DACH2: variants seen among roughly 807,000 people sequenced by gnomAD.
DACH2 encodes the protein dachshund family transcription factor 2.
A neutral mutation model predicts 35.8 loss-of-function variants in DACH2; 17 were observed. That is an observed-to-expected ratio of 0.48 (90% CI 0.33 to 0.71). The LOEUF (loss-of-function observed/expected upper bound fraction) is 0.71, where lower values mean the gene tolerates loss of function less well. DACH2 is among the 30% of genes least tolerant of loss of function. DACH2 has a pLI of 0.02. For missense variants in DACH2, 469 were observed against 472.7 expected (o/e 0.99, Z 0.07); for synonymous variants, 195 against 177.3 (o/e 1.10, Z -0.79).
At chrX:86,766,391 G>A (rs191185595) in intron 7 of DACH2, among the ~76,000 whole-genome samples, 1 of 111,838 alleles carries the variant, frequency 8.9e-6, no homozygotes, top group African/African-American at 3.2e-5. Context: ...TGCTGAATTC[G>A]ATGATGTAAG....
At position 86,175,065 on chromosome X, in the gene DACH2, A is replaced by T. The variant is rs149641251; in HGVS notation, c.488+25957A>T. Among the ~76,000 whole-genome samples, 72 of 111,327 alleles carry T rather than the reference A, an allele frequency of 6.5e-4. No homozygotes were observed. The East Asian group carries it at 0.02, about 31-fold the overall frequency. On this transcript the variant is annotated intron_variant, in intron 1 of 11. Coordinates refer to ENST00000373125, the MANE Select transcript of DACH2 (RefSeq NM_053281.3). ...CTTGGGATAGATGTCTGGACAGGAG[A>T]TATATGCTTAGGAGAGGAATGACTG...
intron 7 of DACH2, among the ~76,000 whole-genome samples, chrX:86,761,682 T>C (rs1338328016): frequency 9.0e-6 from 1 of 111,647 alleles, no homozygotes; most frequent in Non-Finnish European, 1.9e-5. Context: ...ATAAAGAAAA[T>C]CCGGCATATA....
chrX:86,224,779 C>A (rs993123250), intron 1 of DACH2, among the ~76,000 whole-genome samples: 5 of 111,373 alleles, frequency 4.5e-5, no homozygotes, highest in Non-Finnish European at 9.4e-5. Flanking sequence ...CAGGAAAATG[C>A]ATGATCATCA....
intron 7 of DACH2, among the ~76,000 whole-genome samples, chrX:86,753,249 G>T (rs2041793508): frequency 9.0e-6 from 1 of 111,465 alleles, no homozygotes. Flanking sequence ...CTCGACATCA[G>T]GTGCAAATAT....
chrX:86,594,655 T>C (rs1053982890), intron 3 of DACH2, among the ~76,000 whole-genome samples: 1 of 112,013 alleles, frequency 8.9e-6, no homozygotes, highest in Non-Finnish European at 1.9e-5. Flanking sequence ...TGATTTCTAG[T>C]TTAATGTCAT....
intron 11 of DACH2, among the ~76,000 whole-genome samples, chrX:86,827,391 A>T (rs1430816281): frequency 9.0e-6 from 1 of 111,551 alleles, no homozygotes; most frequent in Non-Finnish European, 1.9e-5. Flanking sequence ...GTTGTAAAGA[A>T]GAAGAACATG....
chrX:86,272,708 A>T lies in DACH2; in HGVS notation c.489-104116A>T, dbSNP rs147107688. Among the ~76,000 whole-genome samples the T allele has an allele frequency of 5.7e-3, 635 of 111,910 alleles. 6 individuals are homozygous for T. The highest frequency in any genetic ancestry group is 0.019 in the African/African-American group (602 of 30,879). The stretch of plus-strand genomic sequence containing the variant: ...ATGAGTTTAGAAGTCAGCTCAAGTG[A>T]GGTGTTCTATGTCAGAGAAAACAAG... On this transcript the variant is annotated intron_variant, in intron 1 of 11. Transcript: ENST00000373125.
chrX:86,151,558 A>T (rs906687044), intron 1 of DACH2, among the ~76,000 whole-genome samples: 2 of 111,314 alleles, frequency 1.8e-5, no homozygotes, highest in Non-Finnish European at 3.8e-5. Flanking sequence ...AGACAACCAC[A>T]ATTTCCGGGA....
chrX:86,506,420 A>G (rs1174961482), intron 2 of DACH2, among the ~76,000 whole-genome samples: 2 of 111,314 alleles, frequency 1.8e-5, no homozygotes, highest in Non-Finnish European at 3.8e-5. Context: ...TTGAGACAGT[A>G]TGTTGCTGTC....
At chrX:86,455,351 C>A (rs778858061) in intron 2 of DACH2, among the ~76,000 whole-genome samples, 1 of 111,287 alleles carries the variant, frequency 9.0e-6, no homozygotes, top group South Asian at 3.9e-4. Flanking sequence ...TCTTCTGGAC[C>A]ATTTGGACTC....
intron 3 of DACH2, among the ~76,000 whole-genome samples, chrX:86,628,205 C>T (rs913270666): frequency 8.0e-5 from 9 of 112,282 alleles, no homozygotes; most frequent in Middle Eastern, 4.6e-3. Flanking sequence ...TGGTAGTAAG[C>T]ACCTTACAGC....
chrX:86,424,385 T>G (rs1277473796), intron 2 of DACH2, among the ~76,000 whole-genome samples: 1 of 111,061 alleles, frequency 9.0e-6, no homozygotes, highest in Non-Finnish European at 1.9e-5. Context: ...GCAGTTTACA[T>G]TATGGAGATC....
At chrX:86,498,986 C>A (rs1219820259) in intron 2 of DACH2, among the ~76,000 whole-genome samples, 2 of 111,443 alleles carry the variant, frequency 1.8e-5, no homozygotes, top group African/African-American at 6.5e-5. Flanking sequence ...TTTCTTTTAC[C>A]CGTGTACTTA....
chrX:86,746,792 A>AT (rs1324096757), intron 7 of DACH2, among the ~76,000 whole-genome samples: 1 of 110,918 alleles, frequency 9.0e-6, no homozygotes, highest in Non-Finnish European at 1.9e-5. Flanking sequence ...CAATTTATCT[A>AT]TTTTTTGACA....
intron 11 of DACH2, chrX:86,831,864 A>T (rs2042615583): frequency 3.1e-6 from 1 of 319,325 alleles, no homozygotes; most frequent in Admixed American, 5.6e-5. Flanking sequence ...AGCCTTTATC[A>T]GTCTTCAATG....
At chrX:86,330,238 TAAG>T (rs201836487) in intron 1 of DACH2, among the ~76,000 whole-genome samples, 2,127 of 112,143 alleles carry the variant, frequency 0.019, 47 homozygotes, top group African/African-American at 0.065. Flanking sequence ...TTTTTCCAAA[TAAG>T]AAAGCTTTTG....
intron 2 of DACH2, among the ~76,000 whole-genome samples, chrX:86,386,753 C>T (rs1236299191): frequency 9.0e-6 from 1 of 111,319 alleles, no homozygotes; most frequent in Non-Finnish European, 1.9e-5. Flanking sequence ...TCCTTACTTT[C>T]TTGCACTGGA....
chrX:86,572,183 G>A (rs1465624687), intron 3 of DACH2, among the ~76,000 whole-genome samples: 1 of 110,815 alleles, frequency 9.0e-6, no homozygotes, highest in African/African-American at 3.3e-5. Flanking sequence ...CACGGCACAT[G>A]TATACATATG....
intron 2 of DACH2, among the ~76,000 whole-genome samples, chrX:86,414,994 G>C (rs1477969123): frequency 9.0e-6 from 1 of 111,468 alleles, no homozygotes; most frequent in African/African-American, 3.3e-5. Context: ...TCAATACTTT[G>C]TATTCTTCAA....
Sources: allele counts gnomAD v4.1 joint callset (sites outside exome capture counted in the v4.1 genomes callset), GRCh38; gene constraint gnomAD v4.1.1; transcripts MANE v1.5; gene names NCBI Gene and HGNC (gene_info 2026-07-23, HGNC 2026-07-21).